Variants in MGST2 observed in about 807,000 individuals in gnomAD.
The protein encoded by MGST2 is glutathione peroxidase MGST2.
Under a neutral mutation model 16.6 loss-of-function variants are expected in MGST2, and 9 were observed. The observed-to-expected ratio is 0.54, with a 90% confidence interval of 0.33 to 0.95. The LOEUF (loss-of-function observed/expected upper bound fraction) is 0.95, where lower values mean the gene tolerates loss of function less well. MGST2 is among the 40% of genes least tolerant of loss of function. The pLI is 0.03. For missense variants in MGST2, 159 were observed against 175.1 expected (o/e 0.91, Z 0.52); for synonymous variants, 79 against 68.0 (o/e 1.16, Z -0.79).
intron 5 of MGST2, among the ~76,000 whole-genome samples, chr4:139,729,816 T>C (rs1242151846): frequency 1.3e-5 from 2 of 152,254 alleles, no homozygotes; most frequent in African/African-American, 2.4e-5. Context: ...TGTGTTAGGC[T>C]TTCCTTTAAC....
the MGST2 span, among the ~76,000 whole-genome samples, chr4:139,751,178 T>C: frequency 6.6e-6 from 1 of 152,240 alleles, no homozygotes; most frequent in African/African-American, 2.4e-5. Context: ...TGTCCCTGTC[T>C]AAATATAACA....
At chr4:139,746,889 G>A in the MGST2 span, among the ~76,000 whole-genome samples, 5 of 152,252 alleles carry the variant, frequency 3.3e-5, no homozygotes, top group South Asian at 8.3e-4. Context: ...AGGGAGAATC[G>A]GGTGGGAGGG....
the MGST2 span, among the ~76,000 whole-genome samples, chr4:139,753,200 A>G: frequency 6.6e-6 from 1 of 152,204 alleles, no homozygotes; most frequent in African/African-American, 2.4e-5. Context: ...ACTCCTTTTA[A>G]GTGTACAATT....
chr4:139,705,658 A>AT (rs1727491088), downstream of MGST2: 1 of 151,568 alleles, frequency 6.6e-6, no homozygotes, highest in Non-Finnish European at 1.5e-5. Flanking sequence ...GAAGTAAAAA[A>AT]AGGATACCAT....
chr4:139,682,052 G>A (rs1404887017), intron 2 of MGST2, among the ~76,000 whole-genome samples: 2 of 152,012 alleles, frequency 1.3e-5, no homozygotes, highest in Non-Finnish European at 2.9e-5. Flanking sequence ...TAAAAAATTA[G>A]CCACATGTGG....
chr4:139,699,257 TATG>T (rs766712258), intron 3 of MGST2, among the ~76,000 whole-genome samples: 37 of 152,370 alleles, frequency 2.4e-4, no homozygotes, highest in Middle Eastern at 3.4e-3. Context: ...TTTATGCAGT[TATG>T]ATTTAATACT....
chr4:139,729,156 CAAAAAAAAAAA>C (rs4057275), intron 5 of MGST2, among the ~76,000 whole-genome samples: 1 of 81,704 alleles, frequency 1.2e-5, no homozygotes, highest in Admixed American at 1.4e-4. Context: ...GGAACAAAAG[CAAAAAAAAAAA>C]AAAAAAAAAA....
At chr4:139,754,164 A>C in the MGST2 span, among the ~76,000 whole-genome samples, 1 of 152,272 alleles carries the variant, frequency 6.6e-6, no homozygotes, top group Admixed American at 6.5e-5. Context: ...TGCATAATGC[A>C]AACAATATTA....
At chr4:139,720,104 G>T (rs1728171084) in intron 5 of MGST2, 1 of 1,614,076 alleles carries the variant, frequency 6.2e-7, no homozygotes, top group South Asian at 1.1e-5. Flanking sequence ...CAACATTTGG[G>T]TCATGCCTGT....
At chr4:139,695,101 T>C in intron 2 of MGST2, 96 bp from the exon 3 acceptor site, 3 of 843,348 alleles carry the variant, frequency 3.6e-6, no homozygotes, top group Non-Finnish European at 6.0e-6. Flanking sequence ...TTATATTTTG[T>C]TAAAATAGGC....
the MGST2 span, among the ~76,000 whole-genome samples, chr4:139,750,735 T>C: frequency 6.6e-6 from 1 of 152,190 alleles, no homozygotes; most frequent in Non-Finnish European, 1.5e-5. Context: ...AAAAATGGCC[T>C]TCCTAAGGCA....
chr4:139,681,782 G>A (rs1256122394), intron 2 of MGST2, among the ~76,000 whole-genome samples: 20 of 152,008 alleles, frequency 1.3e-4, no homozygotes, highest in Non-Finnish European at 4.4e-5. Context: ...TCTGTGTACC[G>A]GGCATTGTTA....
chr4:139,702,417 A>G (rs1357406369), intron 3 of MGST2, among the ~76,000 whole-genome samples: 1 of 152,162 alleles, frequency 6.6e-6, no homozygotes, highest in African/African-American at 2.4e-5. Context: ...AACTTCGTAT[A>G]ATTGGAATCA....
chr4:139,666,075 AAAGT>A lies in MGST2; in HGVS notation c.58+2_58+5del, dbSNP rs1476814375. On this transcript the variant is annotated splice_donor_variant and coding_sequence_variant, in exon 1 of 5. Transcript: ENST00000265498. LOFTEE classifies it high-confidence loss of function. ...GTCTCTATTCTCTCGGCCTGTCAGC[AAAGT>A]AAGAGGCATGGGAAGTTCGTGTGTG... 6.2e-7 allele frequency: 1 copy of A among 1,613,096 alleles called. No individual in the cohort carries two copies. Among genetic ancestry groups the A allele is most frequent in the Non-Finnish European group, 8.5e-7 (1 of 1,179,968 alleles).
At chr4:139,703,677 G>T in intron 4 of MGST2, 141 bp downstream of exon 4, 1 of 824,136 alleles carries the variant, frequency 1.2e-6, no homozygotes, top group Non-Finnish European at 2.0e-6. Flanking sequence ...GTCAAGTCTT[G>T]CCAGTTCATA....
At chr4:139,693,954 C>T (rs1041244912) in intron 2 of MGST2, among the ~76,000 whole-genome samples, 2 of 152,156 alleles carry the variant, frequency 1.3e-5, no homozygotes, top group African/African-American at 2.4e-5. Flanking sequence ...ATTTTCCATA[C>T]GTGCTTCAGG....
the MGST2 span, among the ~76,000 whole-genome samples, chr4:139,753,386 A>G: frequency 6.7e-6 from 1 of 148,650 alleles, no homozygotes; most frequent in Non-Finnish European, 1.5e-5. Flanking sequence ...CTATCTATCT[A>G]TTTTTTGTTA....
At chr4:139,702,464 G>A (rs1435486810) in intron 3 of MGST2, among the ~76,000 whole-genome samples, 1 of 152,058 alleles carries the variant, frequency 6.6e-6, no homozygotes, top group Non-Finnish European at 1.5e-5. Context: ...CATTCACTCA[G>A]CAAAATGTTG....
At chr4:139,700,748 A>G (rs1727206844) in intron 3 of MGST2, among the ~76,000 whole-genome samples, 1 of 152,220 alleles carries the variant, frequency 6.6e-6, no homozygotes, top group African/African-American at 2.4e-5. Context: ...TGACTGGGGT[A>G]TCCTTGGTGA....
Sources: allele counts gnomAD v4.1 joint callset (sites outside exome capture counted in the v4.1 genomes callset), GRCh38; gene constraint gnomAD v4.1.1; transcripts MANE v1.5; gene names NCBI Gene and HGNC (gene_info 2026-07-23, HGNC 2026-07-21).